PDE6A: variants seen among roughly 807,000 people sequenced by gnomAD.
PDE6A encodes the protein rod cGMP-specific 3',5'-cyclic phosphodiesterase subunit alpha.
Under a neutral mutation model 106.3 loss-of-function variants are expected in PDE6A, and 84 were observed. The ratio of observed to expected loss-of-function variants is 0.79; its 90% CI spans 0.66 to 0.95. PDE6A has a LOEUF of 0.95. PDE6A is among the 40% of genes least tolerant of loss of function. PDE6A has a pLI of 0.00. For missense variants in PDE6A, 1,052 were observed against 1,084.9 expected, an observed-to-expected ratio of 0.97 and a Z score of 0.43; for synonymous variants, 394 against 386.6, an observed-to-expected ratio of 1.02 and a Z score of -0.23.
chr5:149,907,616 A>G (rs112736740), intron 6 of PDE6A, among the ~76,000 whole-genome samples: 129 of 152,318 alleles, frequency 8.5e-4, no homozygotes, highest in African/African-American at 3.0e-3. Flanking sequence ...ACCATCTGAG[A>G]AAAGAGACAG....
Position 149,884,542 on chromosome 5 carries a change from T to G in PDE6A, c.1964A>C (p.His655Pro). The G allele has an allele frequency of 6.2e-7, 1 of 1,613,986 alleles. No homozygotes were observed. Among genetic ancestry groups the G allele is most frequent in the South Asian group, 1.1e-5 (1 of 91,084 alleles). ...NIFQNLNRRQ[H>P]EHAIHMMDIA... ...GTCCATCATGTGGATGGCATGCTCA[T>G]GCTGTCGACGATTGAGGTTTTGAAA... The change falls in exon 16 of 22, where the codon CAT becomes CCT. Residue 655 changes from histidine (H) to proline (P), a missense_variant. By Grantham distance (77) the His-to-Pro change is moderately conservative. This residue lies in a region of PDE6A where 913 missense variants were observed against 915.2 expected (regional missense o/e 1.00). Transcript: ENST00000255266.
chr5:149,883,319 C>A, intron 17 of PDE6A, 110 bp downstream of exon 17: 1 of 762,258 alleles, frequency 1.3e-6, no homozygotes, highest in East Asian at 2.7e-5. Flanking sequence ...TTGAAGGCCT[C>A]CAAAATGAAA....
intron 21 of PDE6A, among the ~76,000 whole-genome samples, chr5:149,861,186 A>G (rs1463807601): frequency 6.6e-6 from 1 of 152,264 alleles, no homozygotes; most frequent in Non-Finnish European, 1.5e-5. Context: ...ATAAGTGAGA[A>G]CCAGTACTCG....
intron 6 of PDE6A, among the ~76,000 whole-genome samples, chr5:149,910,745 C>T (rs576509853): frequency 5.9e-5 from 9 of 152,022 alleles, no homozygotes; most frequent in African/African-American, 1.4e-4. Context: ...CCTAACAGAT[C>T]GAACTAAAAA....
chr5:149,911,762 G>A (rs182947109), intron 6 of PDE6A, among the ~76,000 whole-genome samples: 1 of 149,440 alleles, frequency 6.7e-6, no homozygotes, highest in African/African-American at 2.5e-5. Flanking sequence ...ACTTTGGGAG[G>A]CTAAGTTGGG....
At chr5:149,908,210 G>A (rs1313969859) in intron 6 of PDE6A, among the ~76,000 whole-genome samples, 3 of 152,124 alleles carry the variant, frequency 2.0e-5, no homozygotes, top group Non-Finnish European at 4.4e-5. Flanking sequence ...CACTACTGTA[G>A]CACAATCTAT....
intron 8 of PDE6A, among the ~76,000 whole-genome samples, chr5:149,900,032 C>CA (rs2113596999): frequency 6.6e-6 from 1 of 152,090 alleles, no homozygotes; most frequent in African/African-American, 2.4e-5. Flanking sequence ...CCTCACTGAA[C>CA]AAATGAAGTT....
At position 149,883,463 on chromosome 5, in the gene PDE6A, T is replaced by C. The variant is rs767678078; in HGVS notation, c.2101A>G (p.Met701Val). Residue 701 changes from methionine to valine, a missense_variant, in exon 17 of 22, where the codon ATG becomes GTG. Met to Val is a conservative substitution (Grantham distance 21). Around this residue, in one of 3 missense-constraint regions of PDE6A, gnomAD observed 913 missense variants for 915.2 expected, o/e 1.00. Transcript: ENST00000255266. Reference sequence around the variant, plus strand: ...TCCTTCCGTGTCTGCTCCAGCATCATGTACTGTGTCCACTCCTGTTCACTC... The same window carrying C: ...TCCTTCCGTGTCTGCTCCAGCATCACGTACTGTGTCCACTCCTGTTCACTC... ...YESEQEWTQYMMLEQTRKEIV... is the reference protein window; with the variant it reads ...YESEQEWTQYVMLEQTRKEIV... 4 of 1,613,560 alleles carry C rather than the reference T, an allele frequency of 2.5e-6. No homozygotes were observed. Among genetic ancestry groups the C allele is most frequent in the East Asian group, 2.2e-5 (1 of 44,890 alleles).
In PDE6A at chr5:149,863,408, G is replaced by T; in HGVS notation, c.2359-142C>A. ...CTCCCGCCACCGTGCTGATACTGCAGGGCCTCCGGTCTACACCAGCCCATG... is the reference window on the plus strand; with the variant it reads ...CTCCCGCCACCGTGCTGATACTGCATGGCCTCCGGTCTACACCAGCCCATG... On this transcript the variant is annotated intron_variant, in intron 20 of 21. Coordinates refer to ENST00000255266, the MANE Select transcript of PDE6A (RefSeq NM_000440.3). The surrounding 1 kb of genome is among the most constrained non-coding windows in gnomAD (Gnocchi z 4.7). The T allele has an allele frequency of 2.5e-6, 2 of 807,756 alleles. No homozygotes were observed. Among genetic ancestry groups the T allele is most frequent in the Admixed American group, 4.0e-5 (2 of 49,940 alleles). 50.0% of individuals were successfully genotyped at this position (807,756 alleles called of 1,614,324 possible). A position where few individuals can be genotyped will look rare whatever the true frequency, so the allele number is the denominator to read the frequency against.
intron 13 of PDE6A, among the ~76,000 whole-genome samples, chr5:149,893,222 G>A (rs868731996): frequency 2.0e-5 from 3 of 152,132 alleles, no homozygotes; most frequent in Non-Finnish European, 4.4e-5. Flanking sequence ...TCCATTGGAC[G>A]CGACCATACC....
At chr5:149,883,895 A>G (rs1761023569) in intron 16 of PDE6A, among the ~76,000 whole-genome samples, 2 of 152,152 alleles carry the variant, frequency 1.3e-5, no homozygotes. Context: ...TGTTATTATT[A>G]TTGTTATTAT....
chr5:149,894,799 T>C (rs1752673557), intron 13 of PDE6A, among the ~76,000 whole-genome samples: 1 of 151,822 alleles, frequency 6.6e-6, no homozygotes, highest in Non-Finnish European at 1.5e-5. Flanking sequence ...CCCAGCTAAT[T>C]TTTGTATTTT....
chr5:149,859,250 ATCT>A lies in PDE6A; in HGVS notation c.*1642_*1644del, dbSNP rs971364595. On this transcript the variant is annotated 3_prime_UTR_variant, in exon 22 of 22. Coordinates refer to ENST00000255266, the MANE Select transcript of PDE6A (RefSeq NM_000440.3). ...TGAAAAATCCAAGAATAAAAAGTAC[ATCT>A]TCTTTTTTCTAAAAACCAACAAAAA... 2 of 152,270 alleles carry A rather than the reference ATCT, an allele frequency of 1.3e-5. No homozygotes were observed. Among genetic ancestry groups the A allele is most frequent in the African/African-American group, 4.8e-5 (2 of 41,474 alleles). The allele number at this position is 152,270 out of a possible 1,614,324, so 9.4% of individuals were successfully genotyped here. A position where few individuals can be genotyped will look rare whatever the true frequency, so the allele number is the denominator to read the frequency against.
intron 7 of PDE6A, 110 bp from the exon 8 acceptor site, chr5:149,903,805 C>T (rs1254448888): frequency 2.4e-6 from 2 of 845,618 alleles, no homozygotes; most frequent in Non-Finnish European, 4.2e-6. Context: ...AAGGCATTCA[C>T]ATTCTTTTCA....
chr5:149,886,762 A>G (rs1289229982), intron 13 of PDE6A, among the ~76,000 whole-genome samples: 4 of 152,242 alleles, frequency 2.6e-5, no homozygotes, highest in Non-Finnish European at 5.9e-5. Context: ...GAACATGGCC[A>G]GGCTGGTAAA....
chr5:149,867,482 G>T (rs2113506751), intron 19 of PDE6A: 1 of 598,202 alleles, frequency 1.7e-6, no homozygotes, highest in Non-Finnish European at 3.0e-6. Context: ...TTCATTGCAG[G>T]GGCCCACCCC....
At chr5:149,877,034 G>T (rs1581159023) in intron 17 of PDE6A, among the ~76,000 whole-genome samples, 2 of 152,136 alleles carry the variant, frequency 1.3e-5, no homozygotes. Context: ...AAAGACAGAT[G>T]ATAGAAAGAA....
chr5:149,878,938 A>G (rs58406417), intron 17 of PDE6A, among the ~76,000 whole-genome samples: 15,323 of 152,088 alleles, frequency 0.1, 881 homozygotes, highest in South Asian at 0.23. Context: ...TTTCCTATTT[A>G]GACTATGTGT....
At chr5:149,872,021 A>G (rs906663543) in intron 17 of PDE6A, among the ~76,000 whole-genome samples, 2 of 152,244 alleles carry the variant, frequency 1.3e-5, no homozygotes, top group African/African-American at 4.8e-5. Context: ...AAGCAAGAGT[A>G]TGCCACAAAA....
Sources: allele counts gnomAD v4.1 joint callset (sites outside exome capture counted in the v4.1 genomes callset), GRCh38; gene constraint gnomAD v4.1.1; regional missense constraint gnomAD v4.1.1; non-coding constraint Gnocchi (gnomAD v3.1); transcripts MANE v1.5; gene names NCBI Gene and HGNC (gene_info 2026-07-23, HGNC 2026-07-21).